Variants in ETV6 observed in about 807,000 individuals in gnomAD.
ETV6 encodes the protein transcription factor ETV6.
ETV6 carries 16 observed loss-of-function variants against 51.1 expected under a neutral mutation model. The ratio of observed to expected loss-of-function variants is 0.31; its 90% CI spans 0.21 to 0.48. The LOEUF (loss-of-function observed/expected upper bound fraction) is 0.48. Ranked by LOEUF, ETV6 falls within the 20% of genes least tolerant of loss-of-function variation. The pLI is 0.99. For missense variants in ETV6, 458 were observed against 594.8 expected (o/e 0.77, Z 2.39); for synonymous variants, 240 against 224.1 (o/e 1.07, Z -0.64).
intron 2 of ETV6, among the ~76,000 whole-genome samples, chr12:11,794,425 A>G (rs1258527063): frequency 6.6e-6 from 1 of 152,192 alleles, no homozygotes; most frequent in African/African-American, 2.4e-5. Flanking sequence ...TGCACGCTCC[A>G]GGCGTTTGGC....
chr12:11,770,502 T>C (rs567058437), intron 2 of ETV6, among the ~76,000 whole-genome samples: 5 of 152,160 alleles, frequency 3.3e-5, no homozygotes, highest in African/African-American at 4.8e-5. Flanking sequence ...CAGCCTTCCT[T>C]CTGTGACTTC....
intron 2 of ETV6, among the ~76,000 whole-genome samples, chr12:11,756,856 G>A (rs1288243206): frequency 6.6e-6 from 1 of 152,236 alleles, no homozygotes; most frequent in Admixed American, 6.5e-5. Flanking sequence ...AACAATATAA[G>A]TATAGTTCAG....
chr12:11,865,795 C>G (rs1946783514), intron 4 of ETV6, among the ~76,000 whole-genome samples: 3 of 150,980 alleles, frequency 2.0e-5, no homozygotes, highest in Admixed American at 6.6e-5. Context: ...TGGTTGCTTT[C>G]AAGATTTTCT....
At position 11,859,147 on chromosome 12, in the gene ETV6, T is replaced by C. The variant is rs1946677217; in HGVS notation, c.463+5586T>C. On this transcript the variant is annotated intron_variant, in intron 4 of 7. Coordinates refer to ENST00000396373, the MANE Select transcript of ETV6 (RefSeq NM_001987.5). ...TTTTTTTTTTTTTTTTTTTTTTTTT[T>C]TTTTTTTTTTTTGAGAAGGAGTCTT... Among the ~76,000 whole-genome samples, 3 of 82,764 alleles carry C rather than the reference T, an allele frequency of 3.6e-5. 1 individual carries two copies. Among genetic ancestry groups the C allele is most frequent in the South Asian group, 3.9e-4 (1 of 2,554 alleles). 54.3% of individuals were successfully genotyped at this position (82,764 alleles called of 152,430 possible).
intron 2 of ETV6, among the ~76,000 whole-genome samples, chr12:11,779,511 G>A (rs559257154): frequency 6.6e-6 from 1 of 152,290 alleles, no homozygotes; most frequent in Non-Finnish European, 1.5e-5. Context: ...TCCATACCGA[G>A]GCCCACTTTT....
intron 2 of ETV6, among the ~76,000 whole-genome samples, chr12:11,836,941 G>T (rs1022779780): frequency 2.0e-5 from 3 of 152,222 alleles, no homozygotes; most frequent in Admixed American, 6.5e-5. Context: ...GGAACTCCCT[G>T]TGTGAAGGAG....
chr12:11,738,417 G>A (rs1208320214), intron 1 of ETV6, among the ~76,000 whole-genome samples: 1 of 150,480 alleles, frequency 6.6e-6, no homozygotes. Flanking sequence ...TTGGGCTCAA[G>A]TGATCCTCCC....
Position 11,839,140 on chromosome 12 carries a change from G to C in ETV6, c.164G>C (p.Arg55Pro). 1.9e-6 allele frequency: 3 copies of C among 1,613,504 alleles called. No homozygotes were observed. The highest frequency in any genetic ancestry group is 2.5e-6 in the Non-Finnish European group (3 of 1,179,546). Residue 55 changes from arginine (R) to proline (P), a missense_variant and splice_region_variant, in exon 3 of 8, where the codon CGC (arginine) becomes CCC (proline). Around this residue, in one of 4 missense-constraint regions of ETV6, gnomAD observed 84 missense variants for 75.9 expected, o/e 1.11. Coordinates refer to ENST00000396373, the MANE Select transcript of ETV6 (RefSeq NM_001987.5). Reference sequence around the variant, plus strand: ...TTCTGCCTCATGCTCTCTCCAACAGGCTTGCAGCCAATTTACTGGAGCAGG... The same window carrying C: ...TTCTGCCTCATGCTCTCTCCAACAGCCTTGCAGCCAATTTACTGGAGCAGG... ...EDSIRLPAHL[R>P]LQPIYWSRDD... is the part of the protein sequence containing the mutation.
chr12:11,716,075 T>G (rs554477255), intron 1 of ETV6, among the ~76,000 whole-genome samples: 1 of 152,022 alleles, frequency 6.6e-6, no homozygotes, highest in Non-Finnish European at 1.5e-5. Flanking sequence ...TTAAGACCAT[T>G]TGGGGCCGGG....
chr12:11,814,048 A>C (rs1206373623), intron 2 of ETV6, among the ~76,000 whole-genome samples: 7 of 152,182 alleles, frequency 4.6e-5, no homozygotes, highest in Admixed American at 1.3e-4. Flanking sequence ...GTTACGGTAA[A>C]ACCTCCATTA....
chr12:11,846,450 G>A (rs1423748567), intron 3 of ETV6, among the ~76,000 whole-genome samples: 1 of 152,196 alleles, frequency 6.6e-6, no homozygotes, highest in Non-Finnish European at 1.5e-5. Flanking sequence ...AACCCCCTGG[G>A]AGAGGCTCTA....
At position 11,669,600 on chromosome 12, in the gene ETV6, A is replaced by G. The variant is rs970108128; in HGVS notation, c.33+19440A>G. On this transcript the variant is annotated intron_variant, in intron 1 of 7. Transcript: ENST00000396373. Reference sequence around the variant, plus strand: ...CGCAGTACTTCCTTCTGCCTCTATTATTAGCTTACTTAGCTTTACCATTCA... The same window carrying G: ...CGCAGTACTTCCTTCTGCCTCTATTGTTAGCTTACTTAGCTTTACCATTCA... Among the ~76,000 whole-genome samples the G allele has an allele frequency of 3.3e-5, 5 of 151,692 alleles. No individual in the cohort carries two copies. In the South Asian group the frequency reaches 8.3e-4, roughly 25 times the overall value.
rs1368673471 is a variant in ETV6 at position 11,893,823 on chromosome 12, TATATATATATATATATATACACAC to T, written c.*2779_*2802del. 1.0e-4 allele frequency: 13 copies of T among 126,820 alleles called. No individual in the cohort carries two copies. The highest frequency in any genetic ancestry group is 5.4e-4 in the African/African-American group (11 of 20,254). 7.9% of individuals were successfully genotyped at this position (126,820 alleles called of 1,614,324 possible). ...ATATATATATATATATATATATATA[TATATATATATATATATATACACAC>T]ACACACACATACACAAATATTCCAG... On this transcript the variant is annotated 3_prime_UTR_variant, in exon 8 of 8. Coordinates refer to ENST00000396373, the MANE Select transcript of ETV6 (RefSeq NM_001987.5).
At chr12:11,853,364 C>A in intron 3 of ETV6, 63 bp from the exon 4 acceptor site, 3 of 1,601,638 alleles carry the variant, frequency 1.9e-6, no homozygotes, top group South Asian at 2.2e-5. Context: ...GCTGCTGCTC[C>A]GTAGATCGTT....
chr12:11,763,468 G>A (rs944018771), intron 2 of ETV6, among the ~76,000 whole-genome samples: 2 of 152,180 alleles, frequency 1.3e-5, no homozygotes, highest in Non-Finnish European at 2.9e-5. Context: ...CCCTGACCAA[G>A]TGCTGAGAGG....
chr12:11,655,142 A>C (rs570635588), intron 1 of ETV6, among the ~76,000 whole-genome samples: 3 of 152,240 alleles, frequency 2.0e-5, no homozygotes, highest in African/African-American at 7.2e-5. Context: ...CCAATTTTTA[A>C]AACTTGCCCT....
intron 2 of ETV6, among the ~76,000 whole-genome samples, chr12:11,831,187 G>A (rs927479452): frequency 3.9e-5 from 6 of 152,072 alleles, no homozygotes; most frequent in African/African-American, 1.4e-4. Flanking sequence ...TTTTTAAATA[G>A]TTTGTGTGTG....
intron 1 of ETV6, among the ~76,000 whole-genome samples, chr12:11,749,280 C>T: frequency 7.1e-6 from 1 of 140,916 alleles, no homozygotes; most frequent in Non-Finnish European, 1.5e-5. Flanking sequence ...AAATCGTTAT[C>T]CCCCCCATAC....
At chr12:11,851,008 G>A (rs528884780) in intron 3 of ETV6, among the ~76,000 whole-genome samples, 2 of 152,086 alleles carry the variant, frequency 1.3e-5, no homozygotes, top group African/African-American at 2.4e-5. Flanking sequence ...GCTGGAGGTC[G>A]GTGTTATTAT....
Sources: allele counts gnomAD v4.1 joint callset (sites outside exome capture counted in the v4.1 genomes callset), GRCh38; gene constraint gnomAD v4.1.1; regional missense constraint gnomAD v4.1.1; transcripts MANE v1.5; gene names NCBI Gene and HGNC (gene_info 2026-07-23, HGNC 2026-07-21).